Variants in SLC44A5 observed in about 807,000 individuals in gnomAD.
SLC44A5 encodes the protein solute carrier family 44 member 5.
In SLC44A5, 57 loss-of-function variants were observed where a neutral mutation model predicts 101.8. The observed-to-expected ratio is 0.56, with a 90% CI of 0.45 to 0.70. SLC44A5 has a LOEUF of 0.70. Among genes scored for constraint, SLC44A5 ranks in the 30% least tolerant of loss-of-function variants. The pLI is 0.00. For synonymous variants in SLC44A5, 281 were observed against 290.9 expected (o/e 0.97, Z 0.35); for missense variants, 737 against 853.1 (o/e 0.86, Z 1.70).
At chr1:75,700,829 C>T in the SLC44A5 span, among the ~76,000 whole-genome samples, 2 of 152,074 alleles carry the variant, frequency 1.3e-5, no homozygotes, top group Admixed American at 6.5e-5. Flanking sequence ...GGGGACATGT[C>T]CACCAATCAC....
At chr1:75,639,161 T>C in the SLC44A5 span, among the ~76,000 whole-genome samples, 2 of 152,092 alleles carry the variant, frequency 1.3e-5, no homozygotes, top group South Asian at 2.1e-4. Context: ...TTAATAACAA[T>C]ATACTGTATT....
intron 2 of SLC44A5, among the ~76,000 whole-genome samples, chr1:75,446,836 G>C (rs1665611281): frequency 6.6e-6 from 1 of 152,040 alleles, no homozygotes; most frequent in Admixed American, 6.6e-5. Context: ...AAATCTGCTT[G>C]CTTCCTAGTA....
chr1:75,303,514 G>A (rs896961385), intron 4 of SLC44A5, among the ~76,000 whole-genome samples: 3 of 152,192 alleles, frequency 2.0e-5, no homozygotes, highest in Non-Finnish European at 2.9e-5. Flanking sequence ...GATTACGGGC[G>A]TGAGCCACCG....
intron 2 of SLC44A5, among the ~76,000 whole-genome samples, chr1:75,493,376 T>G (rs1298744068): frequency 6.6e-6 from 1 of 152,206 alleles, no homozygotes; most frequent in Non-Finnish European, 1.5e-5. Flanking sequence ...TACAATTATA[T>G]ACCAGTGAAT....
At chr1:75,626,776 C>G in the SLC44A5 span, among the ~76,000 whole-genome samples, 1 of 152,262 alleles carries the variant, frequency 6.6e-6, no homozygotes, top group African/African-American at 2.4e-5. Flanking sequence ...TTTCACCTCT[C>G]TAATCCATCT....
intron 4 of SLC44A5, among the ~76,000 whole-genome samples, chr1:75,326,536 TG>T (rs1290055685): frequency 1.3e-5 from 2 of 152,132 alleles, no homozygotes; most frequent in Non-Finnish European, 2.9e-5. Flanking sequence ...GAAGTAGACA[TG>T]GTCTACTAAC....
chr1:75,366,948 TC>T (rs1659901670), intron 3 of SLC44A5, among the ~76,000 whole-genome samples: 1 of 42,646 alleles, frequency 2.3e-5, no homozygotes, highest in Admixed American at 1.8e-4. Context: ...TAAATAATTA[TC>T]TATCTATGTT....
intron 2 of SLC44A5, among the ~76,000 whole-genome samples, chr1:75,411,367 G>T (rs1453092999): frequency 6.6e-6 from 1 of 152,032 alleles, no homozygotes; most frequent in Non-Finnish European, 1.5e-5. Flanking sequence ...ATATCTGAAG[G>T]TTATGTAATC....
chr1:75,518,806 A>G (rs1298073134), intron 2 of SLC44A5, among the ~76,000 whole-genome samples: 1 of 152,200 alleles, frequency 6.6e-6, no homozygotes, highest in Non-Finnish European at 1.5e-5. Flanking sequence ...AGGAAAATCA[A>G]CAGAGAGAGT....
intron 2 of SLC44A5, among the ~76,000 whole-genome samples, chr1:75,513,793 G>A (rs567462733): frequency 6.6e-6 from 1 of 152,110 alleles, no homozygotes; most frequent in East Asian, 1.9e-4. Context: ...TGAGTATATT[G>A]AATCTTATTC....
chr1:75,586,888 G>A (rs1674034984), intron 1 of SLC44A5, among the ~76,000 whole-genome samples: 1 of 140,952 alleles, frequency 7.1e-6, no homozygotes. Context: ...ACTCAATTTG[G>A]AATAGAGTAA....
At chr1:75,475,323 G>C (rs1448080390) in intron 2 of SLC44A5, among the ~76,000 whole-genome samples, 3 of 152,166 alleles carry the variant, frequency 2.0e-5, no homozygotes, top group Non-Finnish European at 4.4e-5. Flanking sequence ...GAATGATGAG[G>C]AAGGTATTTG....
chr1:75,635,032 T>C, the SLC44A5 span, among the ~76,000 whole-genome samples: 1 of 150,478 alleles, frequency 6.6e-6, no homozygotes, highest in Non-Finnish European at 1.5e-5. Context: ...AGAAGACATT[T>C]ATGCAGCCAA....
chr1:75,668,821 C>T, the SLC44A5 span, among the ~76,000 whole-genome samples: 1 of 151,174 alleles, frequency 6.6e-6, no homozygotes, highest in Non-Finnish European at 1.5e-5. Context: ...ATGGCAAAAC[C>T]CCATCTCTAT....
chr1:75,624,870 C>T, the SLC44A5 span, among the ~76,000 whole-genome samples: 17 of 152,038 alleles, frequency 1.1e-4, no homozygotes, highest in Non-Finnish European at 5.9e-5. Flanking sequence ...TATATGAATG[C>T]TTTTTTCTAA....
chr1:75,720,791 A>G, the SLC44A5 span, among the ~76,000 whole-genome samples: 1 of 151,852 alleles, frequency 6.6e-6, no homozygotes, highest in Non-Finnish European at 1.5e-5. Flanking sequence ...TGAGACTTCA[A>G]TCAAATACAT....
intron 2 of SLC44A5, among the ~76,000 whole-genome samples, chr1:75,462,354 C>T (rs1014033998): frequency 6.6e-6 from 1 of 152,154 alleles, no homozygotes; most frequent in African/African-American, 2.4e-5. Flanking sequence ...AAAACAAATA[C>T]AGCTTAGATC....
At chr1:75,617,735 T>A in the SLC44A5 span, among the ~76,000 whole-genome samples, 20 of 152,260 alleles carry the variant, frequency 1.3e-4, no homozygotes, top group East Asian at 2.1e-3. Context: ...TGACTCAAAG[T>A]TTTCCTCTTC....
rs1204334578 is a variant in SLC44A5 at position 75,211,551 on chromosome 1, GTC to G, written c.1963-1_1963del. Reference sequence around the variant, plus strand: ...AATCAGGTAAGACCCAAAAATGACTGTCTGTAAATGGATGAAGAAGAGAACCA... The same window carrying G: ...AATCAGGTAAGACCCAAAAATGACTGTGTAAATGGATGAAGAAGAGAACCA... On this transcript the variant is annotated splice_acceptor_variant and coding_sequence_variant, in exon 23 of 24. Transcript: ENST00000370859. LOFTEE classifies it high-confidence loss of function. 6.2e-7 allele frequency: 1 copy of G among 1,606,228 alleles called. No homozygotes were observed. The highest frequency in any genetic ancestry group is 8.5e-7 in the Non-Finnish European group (1 of 1,173,488).
Sources: gnomAD v4.1 joint callset for allele counts (sites outside exome capture counted in the v4.1 genomes callset) on GRCh38, gnomAD v4.1.1 for gene constraint, MANE v1.5 for transcripts, NCBI Gene and HGNC (gene_info 2026-07-23, HGNC 2026-07-21) for gene names.